EML5: variants seen among roughly 807,000 people sequenced by gnomAD.
The protein encoded by EML5 is EMAP like 5, also known as echinoderm microtubule-associated protein-like 5.
In EML5, 120 loss-of-function variants were observed where a neutral mutation model predicts 250.0. The observed-to-expected ratio is 0.48, with a 90% CI of 0.41 to 0.56. The LOEUF (loss-of-function observed/expected upper bound fraction) is 0.56. Ranked by LOEUF, EML5 falls within the 20% of genes least tolerant of loss-of-function variation. The probability of loss-of-function intolerance (pLI) is 0.00; values close to 1 mark genes in which losing one functional copy is unlikely to be tolerated. For missense variants in EML5, 2,006 were observed against 2,437.6 expected (o/e 0.82, Z 3.73); for synonymous variants, 771 against 806.5 (o/e 0.96, Z 0.75).
chr14:88,616,595 A>G (rs2087656718), intron 42 of EML5, 131 bp downstream of exon 42: 3 of 909,592 alleles, frequency 3.3e-6, no homozygotes, highest in African/African-American at 1.7e-5. Context: ...TTCAAAGTAA[A>G]TAGATTTAGA....
At chr14:88,655,508 T>A (rs1456989128) in intron 27 of EML5, among the ~76,000 whole-genome samples, 1 of 152,092 alleles carries the variant, frequency 6.6e-6, no homozygotes, top group Non-Finnish European at 1.5e-5. Flanking sequence ...ACATAAGACC[T>A]AAAACCATAA....
rs1280898889 is a variant in EML5 at position 88,665,569 on chromosome 14, A to G, written c.3125-80T>C. 2.3e-5 allele frequency: 36 copies of G among 1,570,654 alleles called. 1 individual carries two copies. In the Middle Eastern group the frequency reaches 5.1e-4, roughly 22 times the overall value. On this transcript the variant is annotated intron_variant, in intron 21 of 43. Coordinates refer to ENST00000554922, the MANE Select transcript of EML5 (RefSeq NM_183387.3). ...GGGCCAGGTGTGGTGGCTCATGCCT[A>G]TAATCCAAGCACTCTGGGGAGCTGA...
chr14:88,733,118 T>G (rs982329176), intron 7 of EML5, among the ~76,000 whole-genome samples: 11 of 152,218 alleles, frequency 7.2e-5, no homozygotes, highest in Admixed American at 6.5e-4. Context: ...TATCAAAACT[T>G]AAAACAAGAA....
At chr14:88,708,473 C>T (rs950178778) in intron 10 of EML5, among the ~76,000 whole-genome samples, 1 of 152,058 alleles carries the variant, frequency 6.6e-6, no homozygotes, top group African/African-American at 2.4e-5. Context: ...AGCAAACACT[C>T]ATTAGATATT....
rs975933773 is a variant in EML5 at position 88,661,937 on chromosome 14, G to C, written c.3499-107C>G. 11 of 1,033,214 alleles carry C rather than the reference G, an allele frequency of 1.1e-5. No homozygotes were observed. The East Asian group carries it at 2.9e-4, about 27-fold the overall frequency. The allele number at this position is 1,033,214 out of a possible 1,614,324, so 64.0% of individuals were successfully genotyped here. A position where few individuals can be genotyped will look rare whatever the true frequency, so the allele number is the denominator to read the frequency against. On this transcript the variant is annotated intron_variant, in intron 24 of 43. Transcript: ENST00000554922. ...TAGTTATGTGTGTCACAAGTAAAAT[G>C]AAAGTTTTAATGAAAAAATAGTTAA...
chr14:88,714,404 G>A (rs1252496345), intron 9 of EML5, among the ~76,000 whole-genome samples: 1 of 152,060 alleles, frequency 6.6e-6, no homozygotes, highest in Non-Finnish European at 1.5e-5. Context: ...GGTGGGGGCC[G>A]GGGTGGATAT....
Position 88,702,463 on chromosome 14 carries a change from A to T in EML5, c.2221T>A (p.Tyr741Asn). The T allele has an allele frequency of 6.2e-7, 1 of 1,611,608 alleles. No homozygotes were observed. The highest frequency in any genetic ancestry group is 8.5e-7 in the Non-Finnish European group (1 of 1,178,858). The change falls in exon 14 of 44, where the codon TAC (tyrosine) becomes AAC (asparagine). Residue 741 changes from tyrosine to asparagine, a missense_variant. Tyr to Asn is a moderately radical substitution (Grantham distance 143, BLOSUM62 -2). Around this residue, in one of 7 missense-constraint regions of EML5, gnomAD observed 1,375 missense variants for 1,590.3 expected, o/e 0.86. Coordinates refer to ENST00000554922, the MANE Select transcript of EML5 (RefSeq NM_183387.3). Reference sequence around the variant, plus strand: ...AAACCTACCTGGCCTGTTGCCACGTAGTCTTTCAAAGGATGAATAGTTAGG... The same window carrying T: ...AAACCTACCTGGCCTGTTGCCACGTTGTCTTTCAAAGGATGAATAGTTAGG... ...LCLTIHPLKD[Y>N]VATGQVGRDP...
chr14:88,710,898 AATT>A (rs1390455392), intron 10 of EML5, among the ~76,000 whole-genome samples: 1 of 152,226 alleles, frequency 6.6e-6, no homozygotes, highest in Non-Finnish European at 1.5e-5. Flanking sequence ...AATGAAATAA[AATT>A]ATTGTGCAAT....
chr14:88,781,793 G>GT (rs1238911795), intron 1 of EML5, among the ~76,000 whole-genome samples: 1 of 152,204 alleles, frequency 6.6e-6, no homozygotes, highest in Non-Finnish European at 1.5e-5. Context: ...TGCCATAATT[G>GT]TAAGTTTCCT....
At chr14:88,716,196 A>G (rs2093490440) in intron 8 of EML5, among the ~76,000 whole-genome samples, 1 of 152,226 alleles carries the variant, frequency 6.6e-6, no homozygotes, top group African/African-American at 2.4e-5. Context: ...TGGGCCTGTT[A>G]ATTACAGTAC....
intron 28 of EML5, among the ~76,000 whole-genome samples, chr14:88,649,563 T>G (rs904566312): frequency 1.3e-5 from 2 of 152,234 alleles, no homozygotes; most frequent in Admixed American, 6.5e-5. Context: ...CATTAAATCA[T>G]GTTAACAGGT....
At chr14:88,750,965 T>C (rs915378078) in intron 2 of EML5, among the ~76,000 whole-genome samples, 9 of 152,224 alleles carry the variant, frequency 5.9e-5, no homozygotes, top group Non-Finnish European at 1.2e-4. Context: ...ATGTCTCCTC[T>C]GTCTGGTATA....
At chr14:88,650,066 A>C in intron 27 of EML5, 140 bp from the exon 28 acceptor site, 1 of 538,454 alleles carries the variant, frequency 1.9e-6, no homozygotes, top group Non-Finnish European at 3.1e-6. Context: ...AACTTATGTC[A>C]CATTGGTTTA....
chr14:88,790,651 C>T (rs919332837), intron 1 of EML5, among the ~76,000 whole-genome samples: 1 of 152,168 alleles, frequency 6.6e-6, no homozygotes, highest in Non-Finnish European at 1.5e-5. Flanking sequence ...TGAATTCAAC[C>T]TAACAGACTA....
At chr14:88,726,976 C>T (rs1475796169) in intron 7 of EML5, among the ~76,000 whole-genome samples, 2 of 152,174 alleles carry the variant, frequency 1.3e-5, no homozygotes, top group East Asian at 3.9e-4. Flanking sequence ...TCAAGCAATC[C>T]TCTAGCCTCA....
intron 17 of EML5, among the ~76,000 whole-genome samples, chr14:88,693,840 A>G (rs2093015813): frequency 7.2e-6 from 1 of 138,798 alleles, no homozygotes; most frequent in Admixed American, 8.0e-5. Context: ...GGGAGATCAC[A>G]GCTCACTGCA....
chr14:88,768,187 G>A (rs551518008), intron 1 of EML5, among the ~76,000 whole-genome samples: 3 of 152,116 alleles, frequency 2.0e-5, no homozygotes, highest in African/African-American at 7.2e-5. Context: ...GAAGGTTTAG[G>A]GTGTCAATAT....
rs1048449913 is a variant in EML5, at chr14:88,614,966, A to G, written c.*852T>C. Reference sequence around the variant, plus strand: ...TTGTTTACATGTTAAACAAATGTGTATATATTAGACTACATTAAATATGCA... The same window carrying G: ...TTGTTTACATGTTAAACAAATGTGTGTATATTAGACTACATTAAATATGCA... On this transcript the variant is annotated 3_prime_UTR_variant, in exon 44 of 44. Transcript: ENST00000554922. 7.9e-5 allele frequency: 12 copies of G among 152,244 alleles called. No individual in the cohort carries two copies. Among genetic ancestry groups the G allele is most frequent in the African/African-American group, 2.9e-4 (12 of 41,474 alleles). 9.4% of individuals were successfully genotyped at this position (152,244 alleles called of 1,614,324 possible).
intron 41 of EML5, 171 bp downstream of exon 41, chr14:88,618,057 T>A: frequency 2.3e-6 from 1 of 427,158 alleles, no homozygotes; most frequent in Non-Finnish European, 4.1e-6. Flanking sequence ...AACATGGAAA[T>A]ATATTCAATA....
Sources: allele counts gnomAD v4.1 joint callset (sites outside exome capture counted in the v4.1 genomes callset), GRCh38; gene constraint gnomAD v4.1.1; regional missense constraint gnomAD v4.1.1; transcripts MANE v1.5; gene names NCBI Gene and HGNC (gene_info 2026-07-23, HGNC 2026-07-21).